The following NPAS3 variants were observed in gnomAD, a reference collection of about 807,000 sequenced individuals.
The protein encoded by NPAS3 is neuronal PAS domain protein 3.
NPAS3 carries 14 observed loss-of-function variants against 73.1 expected under a neutral mutation model. The observed-to-expected ratio is 0.19, with a 90% CI of 0.13 to 0.30. The LOEUF is 0.30. Among genes scored for constraint, NPAS3 ranks in the 10% least tolerant of loss-of-function variants. The pLI, the probability that NPAS3 is intolerant of heterozygous loss-of-function variation, is 1.00. For synonymous variants in NPAS3, 620 were observed against 541.5 expected (o/e 1.14, Z -2.01); for missense variants, 1,096 against 1,250.0 (o/e 0.88, Z 1.86).
chr14:33,599,559 C>A (rs889425871), intron 5 of NPAS3, among the ~76,000 whole-genome samples: 1 of 152,144 alleles, frequency 6.6e-6, no homozygotes, highest in Non-Finnish European at 1.5e-5. Context: ...TTAATTAAAT[C>A]CTTTTTTAAT....
At chr14:33,779,644 C>A (rs2062920751) in intron 9 of NPAS3, among the ~76,000 whole-genome samples, 1 of 152,130 alleles carries the variant, frequency 6.6e-6, no homozygotes, top group Non-Finnish European at 1.5e-5. Flanking sequence ...AGTTGCCTAC[C>A]AGTATTCAGT....
chr14:32,936,930 C>CTTTTTTTTTT (rs35877969), upstream of NPAS3, among the ~76,000 whole-genome samples: 2 of 139,778 alleles, frequency 1.4e-5, no homozygotes. Flanking sequence ...AAGACTAAGG[C>CTTTTTTTTTT]TTTTTTTTTT....
At chr14:33,172,703 T>G (rs1462810582) in intron 2 of NPAS3, among the ~76,000 whole-genome samples, 1 of 151,556 alleles carries the variant, frequency 6.6e-6, no homozygotes, top group Non-Finnish European at 1.5e-5. Flanking sequence ...GCCACAGCAC[T>G]CCAACTCCAA....
intron 5 of NPAS3, among the ~76,000 whole-genome samples, chr14:33,639,699 A>C (rs545408870): frequency 1.3e-5 from 2 of 152,210 alleles, no homozygotes; most frequent in Non-Finnish European, 2.9e-5. Flanking sequence ...CAAGATTATA[A>C]AGCTTTTCAT....
intron 7 of NPAS3, among the ~76,000 whole-genome samples, chr14:33,736,332 A>G (rs1373831721): frequency 2.0e-5 from 3 of 152,186 alleles, no homozygotes; most frequent in African/African-American, 4.8e-5. Flanking sequence ...TTAATTCTTC[A>G]GAAAAACAAG....
intron 6 of NPAS3, among the ~76,000 whole-genome samples, chr14:33,691,823 G>A (rs537886002): frequency 1.3e-5 from 2 of 152,090 alleles, no homozygotes; most frequent in Non-Finnish European, 2.9e-5. Flanking sequence ...CCCAACTGGG[G>A]CTTTAAAATT....
At position 33,346,527 on chromosome 14, in the gene NPAS3, C is replaced by CAAAAA. The variant is rs33926266; in HGVS notation, c.386-20641_386-20637dup. On this transcript the variant is annotated intron_variant, in intron 3 of 11. Coordinates refer to ENST00000356141, the Ensembl canonical transcript of NPAS3. ...TGGATGACACAGTGAGACCCTGTCTCAAAAAAAAAAAAAAAAAAAAAAGGA... is the reference window on the plus strand; with the variant it reads ...TGGATGACACAGTGAGACCCTGTCTCAAAAAAAAAAAAAAAAAAAAAAAAAAAGGA... Among the ~76,000 whole-genome samples the CAAAAA allele has an allele frequency of 2.0e-4, 14 of 70,884 alleles. No individual in the cohort carries two copies. In the East Asian group the frequency reaches 4.6e-3, roughly 23 times the overall value. The allele number at this position is 70,884 out of a possible 152,430, so 46.5% of individuals were successfully genotyped here.
intron 6 of NPAS3, among the ~76,000 whole-genome samples, chr14:33,727,058 A>T (rs1282199626): frequency 6.6e-6 from 1 of 152,130 alleles, no homozygotes; most frequent in Non-Finnish European, 1.5e-5. Context: ...GTGTGTTTGC[A>T]AGTGCCTCTG....
At chr14:33,294,285 C>A (rs566087048) in intron 3 of NPAS3, among the ~76,000 whole-genome samples, 1 of 152,170 alleles carries the variant, frequency 6.6e-6, no homozygotes, top group East Asian at 1.9e-4. Context: ...TCTCCATGTT[C>A]TTTTTCTCCA....
intron 5 of NPAS3, among the ~76,000 whole-genome samples, chr14:33,620,909 A>T (rs2058059020): frequency 6.6e-6 from 1 of 152,192 alleles, no homozygotes; most frequent in East Asian, 1.9e-4. Flanking sequence ...TGAGAAACCT[A>T]AAGCTAACGT....
At chr14:33,233,764 T>A (rs1463925954) in intron 3 of NPAS3, among the ~76,000 whole-genome samples, 1 of 152,150 alleles carries the variant, frequency 6.6e-6, no homozygotes, top group Non-Finnish European at 1.5e-5. Flanking sequence ...TTAAGGGAAC[T>A]CAGTATTCGT....
chr14:33,126,656 G>A (rs1191219835), intron 2 of NPAS3, among the ~76,000 whole-genome samples: 1 of 152,034 alleles, frequency 6.6e-6, no homozygotes, highest in Non-Finnish European at 1.5e-5. Context: ...AAGAGAGGGT[G>A]GCAGACTGTT....
chr14:33,353,761 A>C (rs540933338), intron 3 of NPAS3, among the ~76,000 whole-genome samples: 1 of 152,214 alleles, frequency 6.6e-6, no homozygotes, highest in Non-Finnish European at 1.5e-5. Context: ...AAGGTGAGAC[A>C]GCTCTGATGT....
chr14:33,215,270 T>C (rs780480438), exon 3 of NPAS3: 2 of 1,576,774 alleles, frequency 1.3e-6, no homozygotes, highest in Non-Finnish European at 1.7e-6. Context: ...ATTGGCCAAG[T>C]TGTTGCCTCT....
rs117903838 is a variant in NPAS3 at position 33,013,602 on chromosome 14, C to T, written c.51-42303C>T. ...CTTGTAAACTTTTTATACATCTATACATTTAAAATATATTTTACTGTACAC... is the reference window on the plus strand; with the variant it reads ...CTTGTAAACTTTTTATACATCTATATATTTAAAATATATTTTACTGTACAC... On this transcript the variant is annotated intron_variant, in intron 1 of 11. Coordinates refer to ENST00000356141, the Ensembl canonical transcript of NPAS3. Among the ~76,000 whole-genome samples, 128 of 152,134 alleles carry T rather than the reference C, an allele frequency of 8.4e-4. 2 individuals are homozygous for T. The East Asian group carries it at 0.02, about 24-fold the overall frequency.
At chr14:33,251,342 A>T (rs1411475908) in intron 3 of NPAS3, among the ~76,000 whole-genome samples, 1 of 152,066 alleles carries the variant, frequency 6.6e-6, no homozygotes, top group Non-Finnish European at 1.5e-5. Context: ...TATTTGCAGA[A>T]TTGTGTATTG....
intron 2 of NPAS3, among the ~76,000 whole-genome samples, chr14:33,088,405 C>G (rs929911807): frequency 1.3e-5 from 2 of 152,226 alleles, no homozygotes; most frequent in Non-Finnish European, 2.9e-5. Flanking sequence ...GTGCCTGGCT[C>G]GGAGGGTCCC....
chr14:33,345,699 A>G (rs1056391242), intron 3 of NPAS3, among the ~76,000 whole-genome samples: 1 of 152,224 alleles, frequency 6.6e-6, no homozygotes. Flanking sequence ...CCTGGAGCAC[A>G]TGAGCTGGTG....
At chr14:33,483,751 C>T (rs763164933) in intron 4 of NPAS3, among the ~76,000 whole-genome samples, 3 of 152,186 alleles carry the variant, frequency 2.0e-5, no homozygotes, top group Non-Finnish European at 4.4e-5. Context: ...TACTGCATGA[C>T]CCAAGCACCT....
Sources: gnomAD v4.1 joint callset for allele counts (sites outside exome capture counted in the v4.1 genomes callset) on GRCh38, gnomAD v4.1.1 for gene constraint, MANE v1.5 for transcripts, NCBI Gene and HGNC (gene_info 2026-07-23, HGNC 2026-07-21) for gene names.